PIEZO2: variants seen among roughly 807,000 people sequenced by gnomAD.
PIEZO2 encodes piezo type mechanosensitive ion channel component 2.
A neutral mutation model predicts 337.3 loss-of-function variants in PIEZO2; 172 were observed. The observed-to-expected ratio is 0.51, with a 90% CI of 0.45 to 0.58. The LOEUF (loss-of-function observed/expected upper bound fraction) is 0.58. Ranked by LOEUF, PIEZO2 falls within the 20% of genes least tolerant of loss-of-function variation. The pLI is 0.00. For synonymous variants in PIEZO2, 1,251 were observed against 1,228.5 expected (o/e 1.02, Z -0.38); for missense variants, 3,028 against 3,391.3 (o/e 0.89, Z 2.66).
Position 10,696,373 on chromosome 18 carries a change from G to A in PIEZO2, c.6975+19C>T, listed in dbSNP as rs1375908251. 1 of 1,614,040 alleles carries A rather than the reference G, an allele frequency of 6.2e-7. No individual in the cohort carries two copies. The highest frequency in any genetic ancestry group is 8.5e-7 in the Non-Finnish European group (1 of 1,180,016). On this transcript the variant is annotated intron_variant, in intron 46 of 55. Coordinates refer to ENST00000674853, the MANE Select transcript of PIEZO2 (RefSeq NM_001378183.1). ...CGCCATGGGTCAGGGCGGGTGCTGT[G>A]GCCTTTGCCCCAACCTACCCCAAAG...
At position 11,148,761 on chromosome 18, in the gene PIEZO2, G is replaced by T. The variant is rs2040875469; in HGVS notation, c.-173C>A. On this transcript the variant is annotated 5_prime_UTR_variant, in exon 1 of 56. Transcript: ENST00000674853. The surrounding 1 kb of genome is among the most constrained non-coding windows in gnomAD (Gnocchi z 5.2). ...TCCGCCCCGAGGGCACGCTCCCGGGGCTCTTGGCCGCCCCTCGCCCACCGG... is the reference window on the plus strand; with the variant it reads ...TCCGCCCCGAGGGCACGCTCCCGGGTCTCTTGGCCGCCCCTCGCCCACCGG... The T allele has an allele frequency of 9.9e-6, 6 of 607,318 alleles. No homozygotes were observed. The highest frequency in any genetic ancestry group is 1.6e-5 in the Non-Finnish European group (6 of 367,678). The allele number at this position is 607,318 out of a possible 1,614,324, so 37.6% of individuals were successfully genotyped here.
At chr18:11,082,006 C>T (rs995018802) in intron 1 of PIEZO2, among the ~76,000 whole-genome samples, 9 of 152,058 alleles carry the variant, frequency 5.9e-5, no homozygotes, top group African/African-American at 1.7e-4. Context: ...GTGATCCACC[C>T]GCCTCAGCCT....
chr18:11,145,119 T>G (rs1206956221), intron 1 of PIEZO2, among the ~76,000 whole-genome samples: 1 of 152,226 alleles, frequency 6.6e-6, no homozygotes, highest in African/African-American at 2.4e-5. Context: ...TTGTGTATTA[T>G]GTGTAAGAAA....
In PIEZO2 at chr18:11,094,941, C is replaced by T. The variant is rs1019357393; in HGVS notation, c.65-28719G>A. Among the ~76,000 whole-genome samples the T allele has an allele frequency of 2.6e-5, 4 of 152,228 alleles. No homozygotes were observed. Among genetic ancestry groups the T allele is most frequent in the South Asian group, 2.1e-4 (1 of 4,816 alleles). Reference sequence around the variant, plus strand: ...TCTTCCTACAGCTCCAAAAGCCACCCGCTGGAAGGGGGCCCCAGGGCCATT... The same window carrying T: ...TCTTCCTACAGCTCCAAAAGCCACCTGCTGGAAGGGGGCCCCAGGGCCATT... On this transcript the variant is annotated intron_variant, in intron 1 of 55. Coordinates refer to ENST00000674853, the MANE Select transcript of PIEZO2 (RefSeq NM_001378183.1). The surrounding 1 kb of genome is among the most constrained non-coding windows in gnomAD (Gnocchi z 4.4).
In PIEZO2 at chr18:10,888,537, T is replaced by C. The variant is rs191311369; in HGVS notation, c.330-17122A>G. ...GCGACATTGCTTCTGGGTCCTCTTA[T>C]TTGACAGAGTCCTTTGCATATATTT... On this transcript the variant is annotated intron_variant, in intron 4 of 55. Coordinates refer to ENST00000674853, the MANE Select transcript of PIEZO2 (RefSeq NM_001378183.1). This position sits in a 1 kb window ranked among gnomAD's most constrained non-coding sequence, Gnocchi z 4.1. 3.4e-4 allele frequency among the ~76,000 whole-genome samples: 52 copies of C among 152,286 alleles called. No homozygotes were observed. Among genetic ancestry groups the C allele is most frequent in the African/African-American group, 1.2e-3 (50 of 41,562 alleles).
At position 10,871,469 on chromosome 18, in the gene PIEZO2, G is replaced by C. The variant is rs144209368; in HGVS notation, c.330-54C>G. On this transcript the variant is annotated intron_variant, in intron 4 of 55. Transcript: ENST00000674853. Reference sequence around the variant, plus strand: ...AAAAATTTAGTTCTTATATTTCTACGGTTAAACTGCCTTATAGGATGTTTT... The same window carrying C: ...AAAAATTTAGTTCTTATATTTCTACCGTTAAACTGCCTTATAGGATGTTTT... 13 of 1,457,574 alleles carry C rather than the reference G, an allele frequency of 8.9e-6. No homozygotes were observed. In the South Asian group the frequency reaches 1.7e-4, roughly 19 times the overall value. The allele number at this position is 1,457,574 out of a possible 1,614,324, so 90.3% of individuals were successfully genotyped here. A position where few individuals can be genotyped will look rare whatever the true frequency, so the allele number is the denominator to read the frequency against.
intron 51 of PIEZO2, 145 bp from the exon 52 acceptor site, chr18:10,680,516 T>C (rs2034217986): frequency 3.7e-6 from 3 of 800,820 alleles, no homozygotes; most frequent in Non-Finnish European, 3.8e-6. Flanking sequence ...GTCTTGAGTG[T>C]TCCATTGCAC....
Position 10,794,651 on chromosome 18 carries a change from TC to T in PIEZO2, c.1758+120del, listed in dbSNP as rs2039514690. ...CTGTTTCTTACAGTCTCATGTTTGTTCATTTTTACAAAGCAGTGAATATTTG... is the reference window on the plus strand; with the variant it reads ...CTGTTTCTTACAGTCTCATGTTTGTTATTTTTACAAAGCAGTGAATATTTG... On this transcript the variant is annotated intron_variant, in intron 13 of 55. Coordinates refer to ENST00000674853, the MANE Select transcript of PIEZO2 (RefSeq NM_001378183.1). The surrounding 1 kb of genome is among the most constrained non-coding windows in gnomAD (Gnocchi z 6.6). 1 of 807,548 alleles carries T rather than the reference TC, an allele frequency of 1.2e-6. No homozygotes were observed. Among genetic ancestry groups the T allele is most frequent in the Admixed American group, 2.9e-5 (1 of 34,066 alleles). 50.0% of individuals were successfully genotyped at this position (807,548 alleles called of 1,614,324 possible).
Position 10,759,662 on chromosome 18 carries a change from GCTT to G in PIEZO2, c.3655+40_3655+42del. 1.3e-6 allele frequency: 2 copies of G among 1,536,018 alleles called. No individual in the cohort carries two copies. Among genetic ancestry groups the G allele is most frequent in the South Asian group, 1.2e-5 (1 of 84,022 alleles). ...TCTCCCAGCCGTCCGCTCAGTAATG[GCTT>G]CTTCTAAAAGTAGACGGCTCAAGGG... On this transcript the variant is annotated intron_variant, in intron 25 of 55. Transcript: ENST00000674853. This position sits in a 1 kb window ranked among gnomAD's most constrained non-coding sequence, Gnocchi z 5.5.
Position 10,723,541 on chromosome 18 carries a change from G to A in PIEZO2, c.5030-5282C>T, listed in dbSNP as rs1312894106. Among the ~76,000 whole-genome samples, 7 of 152,252 alleles carry A rather than the reference G, an allele frequency of 4.6e-5. No individual in the cohort carries two copies. The South Asian group carries it at 1.5e-3, about 32-fold the overall frequency. The stretch of plus-strand genomic sequence containing the variant: ...GGGTTTTGTTTTGTTTTTTAAGATG[G>A]AGAAATAACAGCATGTGTTTATGCT... On this transcript the variant is annotated intron_variant, in intron 36 of 55. Transcript: ENST00000674853.
intron 44 of PIEZO2, 96 bp from the exon 45 acceptor site, chr18:10,697,976 G>T: frequency 1.2e-6 from 1 of 847,424 alleles, no homozygotes; most frequent in Non-Finnish European, 1.6e-6. Context: ...CATGGTGGAG[G>T]GATAGCTCAG....
intron 36 of PIEZO2, among the ~76,000 whole-genome samples, chr18:10,722,906 T>C (rs2036378142): frequency 6.6e-6 from 1 of 151,610 alleles, no homozygotes; most frequent in African/African-American, 2.4e-5. Flanking sequence ...GAGAACTAAG[T>C]TCGAGTGTGT....
In PIEZO2 at chr18:10,863,256, C is replaced by G. The variant is rs2041922607; in HGVS notation, c.493-6045G>C. Among the ~76,000 whole-genome samples the G allele has an allele frequency of 6.6e-6, 1 of 152,140 alleles. No individual in the cohort carries two copies. Among genetic ancestry groups the G allele is most frequent in the African/African-American group, 2.4e-5 (1 of 41,408 alleles). ...GAAGATGAATTTCATCCCCAGGGTT[C>G]CCTTGTGAAAGGAAGCAGTGAGGGA... On this transcript the variant is annotated intron_variant, in intron 5 of 55. Transcript: ENST00000674853. This position sits in a 1 kb window ranked among gnomAD's most constrained non-coding sequence, Gnocchi z 4.3.
chr18:10,904,056 C>T (rs2043115062), intron 4 of PIEZO2, among the ~76,000 whole-genome samples: 1 of 152,112 alleles, frequency 6.6e-6, no homozygotes, highest in African/African-American at 2.4e-5. Context: ...CATAAAAATA[C>T]AAAATATAGG....
intron 42 of PIEZO2, among the ~76,000 whole-genome samples, chr18:10,702,488 T>C (rs991843355): frequency 2.6e-5 from 4 of 152,240 alleles, no homozygotes; most frequent in Non-Finnish European, 5.9e-5. Flanking sequence ...TAATTAGATA[T>C]TGATATAATT....
chr18:11,138,190 T>C (rs2146269032), intron 1 of PIEZO2, among the ~76,000 whole-genome samples: 1 of 152,372 alleles, frequency 6.6e-6, no homozygotes, highest in Admixed American at 6.5e-5. Flanking sequence ...TCCTGTGTGT[T>C]ATAGTCCTTG....
chr18:10,875,893 C>T (rs2042256584), intron 4 of PIEZO2, among the ~76,000 whole-genome samples: 1 of 152,226 alleles, frequency 6.6e-6, no homozygotes. Context: ...ACTCCACCTG[C>T]TGTGATAGAA....
Position 10,877,848 on chromosome 18 carries a change from A to T in PIEZO2, c.330-6433T>A, listed in dbSNP as rs2042309067. On this transcript the variant is annotated intron_variant, in intron 4 of 55. Coordinates refer to ENST00000674853, the MANE Select transcript of PIEZO2 (RefSeq NM_001378183.1). This position sits in a 1 kb window ranked among gnomAD's most constrained non-coding sequence, Gnocchi z 5.3. ...TGACAAGGGGCCCTCCACATCCCAGATCTGGTTTCCCTTATCTCTTGCCAT... is the reference window on the plus strand; with the variant it reads ...TGACAAGGGGCCCTCCACATCCCAGTTCTGGTTTCCCTTATCTCTTGCCAT... 6.6e-6 allele frequency among the ~76,000 whole-genome samples: 1 copy of T among 152,050 alleles called. No homozygotes were observed. The highest frequency in any genetic ancestry group is 2.4e-5 in the African/African-American group (1 of 41,380).
chr18:10,807,359 C>T (rs1025233778), intron 7 of PIEZO2, 85 bp from the exon 8 acceptor site: 13 of 1,241,390 alleles, frequency 1.0e-5, no homozygotes, highest in Non-Finnish European at 1.1e-6. Flanking sequence ...GTTTTTGATA[C>T]ATTCGTGAGC....
Sources: gnomAD v4.1 joint callset for allele counts (sites outside exome capture counted in the v4.1 genomes callset) on GRCh38, gnomAD v4.1.1 for gene constraint, Gnocchi (gnomAD v3.1) non-coding constraint, MANE v1.5 for transcripts, NCBI Gene and HGNC (gene_info 2026-07-23, HGNC 2026-07-21) for gene names.